The following IL1RAP variants were observed in gnomAD, a reference collection of about 807,000 sequenced individuals.
IL1RAP encodes the protein interleukin 1 receptor accessory protein, also known as interleukin-1 receptor accessory protein.
Under a neutral mutation model 60.7 loss-of-function variants are expected in IL1RAP, and 35 were observed. The observed-to-expected ratio is 0.58, with a 90% confidence interval of 0.44 to 0.76. The LOEUF is 0.76. Among genes scored for constraint, IL1RAP ranks in the 30% least tolerant of loss-of-function variants. The pLI, the probability that IL1RAP is intolerant of heterozygous loss-of-function variation, is 0.00. For missense variants in IL1RAP, 572 were observed against 693.9 expected (o/e 0.82, Z 1.97); for synonymous variants, 268 against 250.9 (o/e 1.07, Z -0.64).
intron 8 of IL1RAP, among the ~76,000 whole-genome samples, chr3:190,627,808 G>GAAAAAAAAATACATA (rs1732440218): frequency 6.6e-6 from 1 of 152,128 alleles, no homozygotes; most frequent in Non-Finnish European, 1.5e-5. Context: ...GAATAAAAAG[G>GAAAAAAAAATACATA]TCACAATCAA....
At chr3:190,568,826 A>G (rs555957663) in intron 3 of IL1RAP, among the ~76,000 whole-genome samples, 1 of 152,238 alleles carries the variant, frequency 6.6e-6, no homozygotes, top group Non-Finnish European at 1.5e-5. Context: ...CAATGTTAAC[A>G]ATGATTTCAC....
At chr3:190,637,874 C>T (rs1290985923) in intron 9 of IL1RAP, among the ~76,000 whole-genome samples, 2 of 151,950 alleles carry the variant, frequency 1.3e-5, no homozygotes, top group Non-Finnish European at 2.9e-5. Flanking sequence ...TATGTGGACC[C>T]ATACAGAATG....
chr3:190,647,811 G>C (rs10433493), intron 11 of IL1RAP, among the ~76,000 whole-genome samples: 2,774 of 152,300 alleles, frequency 0.018, 66 homozygotes, highest in East Asian at 0.063. Flanking sequence ...GGGACTTTCA[G>C]AAGATGAAGG....
At chr3:190,612,276 TA>T (rs1324053842) in intron 5 of IL1RAP, among the ~76,000 whole-genome samples, 1 of 152,062 alleles carries the variant, frequency 6.6e-6, no homozygotes, top group East Asian at 1.9e-4. Flanking sequence ...TAAAAAATAA[TA>T]TTAACAGTTT....
rs1732968878 is a variant in IL1RAP at position 190,623,365 on chromosome 3, C to A, written c.725C>A (p.Pro242His). The change falls in exon 7 of 12, where the codon CCC becomes CAC. Residue 242 changes from proline to histidine, a missense_variant. Coordinates refer to ENST00000447382, the MANE Select transcript of IL1RAP (RefSeq NM_002182.4). ...ACAGGCTCTCCAAAAAATGCAGTGC[C>A]CCCTGTGATCCATTCACCTAATGAT... ...KVVGSPKNAV[P>H]PVIHSPNDHV... The A allele has an allele frequency of 1.2e-6, 2 of 1,613,312 alleles. No individual in the cohort carries two copies. Among genetic ancestry groups the A allele is most frequent in the Admixed American group, 1.7e-5 (1 of 59,992 alleles).
chr3:190,651,762 T>C (rs373822643), downstream of IL1RAP, among the ~76,000 whole-genome samples: 2 of 150,464 alleles, frequency 1.3e-5, no homozygotes, highest in East Asian at 4.0e-4. Context: ...TTTATGGGTG[T>C]ATATGTGTTT....
chr3:190,649,059 T>C lies in IL1RAP; in HGVS notation c.*354T>C, dbSNP rs2108866659. The stretch of plus-strand genomic sequence containing the variant: ...GCAGCCTTTCCTATGAATTTAAATA[T>C]GCCTTTAAAATAAGTCACTGTTGAC... On this transcript the variant is annotated 3_prime_UTR_variant, in exon 12 of 12. Transcript: ENST00000447382. The C allele has an allele frequency of 1.0e-6, 1 of 998,982 alleles. No individual in the cohort carries two copies. The highest frequency in any genetic ancestry group is 1.2e-6 in the Non-Finnish European group (1 of 838,980). The allele number at this position is 998,982 out of a possible 1,614,324, so 61.9% of individuals were successfully genotyped here.
chr3:190,559,288 C>T (rs1725685954), intron 2 of IL1RAP, among the ~76,000 whole-genome samples: 1 of 152,146 alleles, frequency 6.6e-6, no homozygotes, highest in Non-Finnish European at 1.5e-5. Flanking sequence ...CTTAACGTAT[C>T]ACCTGGCTTG....
intron 1 of IL1RAP, among the ~76,000 whole-genome samples, chr3:190,541,035 T>G (rs1397478856): frequency 6.6e-6 from 1 of 152,104 alleles, no homozygotes; most frequent in Admixed American, 6.6e-5. Flanking sequence ...AAAAACAAAC[T>G]TCACATATCT....
At chr3:190,589,889 A>G (rs1309249700) in intron 3 of IL1RAP, among the ~76,000 whole-genome samples, 1 of 152,232 alleles carries the variant, frequency 6.6e-6, no homozygotes, top group Admixed American at 6.5e-5. Context: ...GTAATTAAGA[A>G]GAGAGTTCAT....
chr3:190,517,067 G>A (rs925059103), intron 1 of IL1RAP, among the ~76,000 whole-genome samples: 19 of 152,118 alleles, frequency 1.2e-4, no homozygotes, highest in African/African-American at 4.6e-4. Flanking sequence ...TATCCTTTTT[G>A]TTGAAAAGCA....
chr3:190,625,593 A>G (rs1732185419), intron 7 of IL1RAP, among the ~76,000 whole-genome samples: 1 of 152,226 alleles, frequency 6.6e-6, no homozygotes, highest in Non-Finnish European at 1.5e-5. Context: ...AACAAACAAT[A>G]ATAAAGATAC....
At chr3:190,560,067 C>T (rs1725755266) in intron 2 of IL1RAP, among the ~76,000 whole-genome samples, 1 of 152,220 alleles carries the variant, frequency 6.6e-6, no homozygotes, top group Non-Finnish European at 1.5e-5. Context: ...AAATAACTCT[C>T]ATGTCTTACT....
intron 1 of IL1RAP, among the ~76,000 whole-genome samples, chr3:190,535,353 A>C (rs2108547334): frequency 6.6e-6 from 1 of 152,290 alleles, no homozygotes; most frequent in South Asian, 2.1e-4. Flanking sequence ...AAAACAATAG[A>C]GTTTAGTGGT....
chr3:190,530,186 C>T lies in IL1RAP; in HGVS notation c.-89+15967C>T, dbSNP rs76767005. ...TGCCCTGGAGAGAGCCCAGTCTGAC[C>T]GGGAGATAATATGTGAATACATCAT... On this transcript the variant is annotated intron_variant, in intron 1 of 11. Transcript: ENST00000447382. Among the ~76,000 whole-genome samples the T allele has an allele frequency of 3.0e-3, 457 of 152,150 alleles. 1 individual carries two copies. Among genetic ancestry groups the T allele is most frequent in the Non-Finnish European group, 5.0e-3 (338 of 68,010 alleles).
intron 3 of IL1RAP, among the ~76,000 whole-genome samples, chr3:190,568,969 C>T (rs77554809): frequency 0.022 from 3,297 of 152,184 alleles, 116 homozygotes; most frequent in African/African-American, 0.074. Context: ...AATAGAATTC[C>T]GTGAGAGCAG....
intron 1 of IL1RAP, among the ~76,000 whole-genome samples, 183 bp downstream of exon 1, chr3:190,514,402 C>T (rs1721310812): frequency 6.6e-6 from 1 of 152,206 alleles, no homozygotes; most frequent in Admixed American, 6.5e-5. Flanking sequence ...CGGATTCGAA[C>T]CCAAACGTTC....
chr3:190,572,869 T>TG lies in IL1RAP; in HGVS notation c.64+8516_64+8517insG, dbSNP rs1727075267. Among the ~76,000 whole-genome samples the TG allele has an allele frequency of 5.4e-5, 2 of 36,982 alleles. 1 individual carries two copies. Among genetic ancestry groups the TG allele is most frequent in the African/African-American group, 2.2e-4 (2 of 9,112 alleles). The allele number at this position is 36,982 out of a possible 152,430, so 24.3% of individuals were successfully genotyped here. A position where few individuals can be genotyped will look rare whatever the true frequency, so the allele number is the denominator to read the frequency against. ...CAGGGTTAATGCTTTGTTTTTTTTT[T>TG]TTTTTTTTTTTTGAGACGGAGTCTC... On this transcript the variant is annotated intron_variant, in intron 3 of 11. Coordinates refer to ENST00000447382, the MANE Select transcript of IL1RAP (RefSeq NM_002182.4).
At chr3:190,624,234 G>A (rs899717126) in intron 7 of IL1RAP, among the ~76,000 whole-genome samples, 3 of 152,224 alleles carry the variant, frequency 2.0e-5, no homozygotes, top group Non-Finnish European at 4.4e-5. Context: ...GTTTTGAAAG[G>A]CAAAGTGAGG....
Sources: allele counts gnomAD v4.1 joint callset (sites outside exome capture counted in the v4.1 genomes callset), GRCh38; gene constraint gnomAD v4.1.1; transcripts MANE v1.5; gene names NCBI Gene and HGNC (gene_info 2026-07-23, HGNC 2026-07-21).